Variants in CPQ observed in about 807,000 individuals in gnomAD.
The protein encoded by CPQ is Ser-Met dipeptidase.
Under a neutral mutation model 45.7 loss-of-function variants are expected in CPQ, and 37 were observed. That is an observed-to-expected ratio of 0.81 (90% CI 0.62 to 1.07). The LOEUF (loss-of-function observed/expected upper bound fraction) is 1.07, where lower values mean the gene tolerates loss of function less well. CPQ is among the 50% of genes least tolerant of loss of function. The pLI is 0.00. For synonymous variants in CPQ, 186 were observed against 205.8 expected, an observed-to-expected ratio of 0.90 and a Z score of 0.82; for missense variants, 537 against 572.9, an observed-to-expected ratio of 0.94 and a Z score of 0.64.
At chr8:97,115,758 A>G (rs1375742722) in intron 7 of CPQ, among the ~76,000 whole-genome samples, 1 of 152,162 alleles carries the variant, frequency 6.6e-6, no homozygotes, top group African/African-American at 2.4e-5. Context: ...AAGGTTACAA[A>G]TTGGCTTTCT....
At chr8:96,757,103 C>T (rs1329795743) in intron 1 of CPQ, among the ~76,000 whole-genome samples, 3 of 152,046 alleles carry the variant, frequency 2.0e-5, no homozygotes, top group Non-Finnish European at 4.4e-5. Flanking sequence ...AATACCAGCA[C>T]TTTGGGAGGC....
intron 7 of CPQ, among the ~76,000 whole-genome samples, chr8:97,121,653 A>T (rs1213564928): frequency 1.3e-5 from 2 of 152,154 alleles, no homozygotes; most frequent in African/African-American, 4.8e-5. Context: ...GAAGCAAGAA[A>T]ATATGACCCA....
intron 1 of CPQ, among the ~76,000 whole-genome samples, chr8:96,697,220 T>C (rs1445664912): frequency 6.6e-6 from 1 of 152,142 alleles, no homozygotes; most frequent in Non-Finnish European, 1.5e-5. Context: ...CCTCAACATA[T>C]GCAAACCAAT....
At chr8:96,741,058 C>G (rs1203593172) in intron 1 of CPQ, among the ~76,000 whole-genome samples, 1 of 152,168 alleles carries the variant, frequency 6.6e-6, no homozygotes, top group Non-Finnish European at 1.5e-5. Flanking sequence ...GGTACCAGTT[C>G]CTCCTTGTAC....
At chr8:96,894,675 A>G (rs1335149298) in intron 4 of CPQ, among the ~76,000 whole-genome samples, 2 of 152,214 alleles carry the variant, frequency 1.3e-5, no homozygotes, top group African/African-American at 4.8e-5. Context: ...AGCAATTAAA[A>G]CATTGTTTGA....
intron 2 of CPQ, among the ~76,000 whole-genome samples, chr8:96,804,786 G>A (rs747414397): frequency 9.9e-5 from 15 of 151,328 alleles, no homozygotes; most frequent in African/African-American, 2.4e-4. Flanking sequence ...GGTGTTTAGT[G>A]ACAAAAGTAT....
intron 5 of CPQ, among the ~76,000 whole-genome samples, chr8:97,013,626 C>G (rs758060813): frequency 7.9e-5 from 12 of 152,056 alleles, no homozygotes; most frequent in Non-Finnish European, 1.6e-4. Flanking sequence ...AAAGAAAGGA[C>G]AAACCAGATG....
intron 1 of CPQ, among the ~76,000 whole-genome samples, chr8:96,668,070 T>G (rs544116688): frequency 2.0e-5 from 3 of 152,238 alleles, no homozygotes; most frequent in Non-Finnish European, 4.4e-5. Flanking sequence ...AATCACACTT[T>G]GGATATAGTT....
At chr8:96,908,107 CGTGTGTGTGTGTGTGT>C (rs35548556) in intron 4 of CPQ, among the ~76,000 whole-genome samples, 3 of 145,708 alleles carry the variant, frequency 2.1e-5, no homozygotes, top group Non-Finnish European at 4.5e-5. Context: ...CCCACTGCAA[CGTGTGTGTGTGTGTGT>C]GTGTGTGTGT....
At chr8:96,816,723 G>T (rs1472523820) in intron 2 of CPQ, among the ~76,000 whole-genome samples, 1 of 152,122 alleles carries the variant, frequency 6.6e-6, no homozygotes, top group East Asian at 1.9e-4. Context: ...TAGCAGGCAA[G>T]AAAACAACAT....
At chr8:97,085,642 C>A (rs1811028412) in intron 7 of CPQ, among the ~76,000 whole-genome samples, 1 of 152,054 alleles carries the variant, frequency 6.6e-6, no homozygotes, top group Non-Finnish European at 1.5e-5. Flanking sequence ...GTATGCATGA[C>A]CATAGTAACA....
At chr8:96,988,618 T>C (rs1809033522) in intron 5 of CPQ, among the ~76,000 whole-genome samples, 1 of 152,188 alleles carries the variant, frequency 6.6e-6, no homozygotes, top group Admixed American at 6.5e-5. Flanking sequence ...GATTCAATGG[T>C]GGAAGTAATA....
intron 1 of CPQ, among the ~76,000 whole-genome samples, chr8:96,646,277 TAAAAC>T (rs1337639762): frequency 1.3e-5 from 2 of 152,164 alleles, no homozygotes; most frequent in Admixed American, 6.5e-5. Flanking sequence ...TGTGTTTGCT[TAAAAC>T]AAAATATGCC....
chr8:96,752,582 AT>A (rs774680620), intron 1 of CPQ, among the ~76,000 whole-genome samples: 44 of 152,232 alleles, frequency 2.9e-4, no homozygotes, highest in Admixed American at 1.4e-3. Flanking sequence ...AACAAAGATA[AT>A]TTGACTTCCT....
rs868535581 is a variant in CPQ, at chr8:97,123,147, A to T, written c.1256-19873A>T. The stretch of plus-strand genomic sequence containing the variant: ...AATAAATAAAATAAAATAAAATAAA[A>T]TAAATAAAATAAAATAAAATAAAAT... On this transcript the variant is annotated intron_variant, in intron 7 of 7. Coordinates refer to ENST00000220763, the MANE Select transcript of CPQ (RefSeq NM_016134.4). Among the ~76,000 whole-genome samples, 29 of 81,526 alleles carry T rather than the reference A, an allele frequency of 3.6e-4. 2 individuals are homozygous for T. Among genetic ancestry groups the T allele is most frequent in the African/African-American group, 1.2e-3 (18 of 14,860 alleles). 53.5% of individuals were successfully genotyped at this position (81,526 alleles called of 152,430 possible).
chr8:96,895,465 T>C (rs769995275), intron 4 of CPQ, among the ~76,000 whole-genome samples: 2 of 152,308 alleles, frequency 1.3e-5, no homozygotes, highest in South Asian at 2.1e-4. Flanking sequence ...CAAATGGATA[T>C]CCTGCAATTT....
intron 2 of CPQ, among the ~76,000 whole-genome samples, chr8:96,823,197 C>A (rs1198246530): frequency 6.6e-6 from 1 of 151,790 alleles, no homozygotes; most frequent in East Asian, 1.9e-4. Flanking sequence ...AGTCATCTTC[C>A]CAGCAAAATT....
chr8:96,888,177 A>G (rs1812328127), intron 4 of CPQ, among the ~76,000 whole-genome samples: 1 of 152,228 alleles, frequency 6.6e-6, no homozygotes, highest in Non-Finnish European at 1.5e-5. Flanking sequence ...AGTCTCGAGC[A>G]TCAGAAATGT....
At chr8:96,973,440 A>G (rs565458066) in intron 5 of CPQ, among the ~76,000 whole-genome samples, 4 of 152,336 alleles carry the variant, frequency 2.6e-5, no homozygotes, top group African/African-American at 7.2e-5. Flanking sequence ...TCTGAAAAAC[A>G]TATTTGTTAG....
Sources: allele counts gnomAD v4.1 joint callset (sites outside exome capture counted in the v4.1 genomes callset), GRCh38; gene constraint gnomAD v4.1.1; transcripts MANE v1.5; gene names NCBI Gene and HGNC (gene_info 2026-07-23, HGNC 2026-07-21).